The following REEP1 variants were observed in gnomAD, a reference collection of about 807,000 sequenced individuals.
REEP1 encodes receptor accessory protein 1.
A neutral mutation model predicts 40.3 loss-of-function variants in REEP1; 22 were observed. The observed-to-expected ratio is 0.55, with a 90% CI of 0.39 to 0.78. The LOEUF is 0.78. REEP1 is among the 30% of genes least tolerant of loss of function. REEP1 has a pLI of 0.00. For missense variants in REEP1, 280 were observed against 361.1 expected (o/e 0.78, Z 1.82); for synonymous variants, 116 against 139.2 (o/e 0.83, Z 1.17).
chr2:86,227,335 G>T, intron 7 of REEP1, 28 bp downstream of exon 7: 1 of 1,232,226 alleles, frequency 8.1e-7, no homozygotes, highest in Non-Finnish European at 1.0e-6. Context: ...AGTCCAGCAC[G>T]CTGCGGAGAG....
intron 1 of REEP1, among the ~76,000 whole-genome samples, chr2:86,286,042 T>C (rs1042317720): frequency 2.6e-5 from 4 of 151,852 alleles, no homozygotes; most frequent in East Asian, 3.9e-4. Flanking sequence ...CCCCCCACTG[T>C]CATTAACTGT....
chr2:86,268,677 A>G (rs1677274482), intron 2 of REEP1, among the ~76,000 whole-genome samples: 1 of 152,214 alleles, frequency 6.6e-6, no homozygotes, highest in Admixed American at 6.5e-5. Context: ...TTAATATAAT[A>G]CAAAAGAAGA....
intron 3 of REEP1, among the ~76,000 whole-genome samples, chr2:86,259,231 A>C (rs1676729110): frequency 6.7e-6 from 1 of 149,934 alleles, no homozygotes; most frequent in African/African-American, 2.4e-5. Flanking sequence ...CAGAGATTGC[A>C]GTGAGCCAAG....
Position 86,255,629 on chromosome 2 carries a change from T to C in REEP1, c.183-815A>G, listed in dbSNP as rs575065062. 5.3e-5 allele frequency among the ~76,000 whole-genome samples: 8 copies of C among 152,284 alleles called. No homozygotes were observed. The South Asian group carries it at 1.7e-3, about 32-fold the overall frequency. ...AAAGAAGACCTGATTCCTGCCCTCA[T>C]GGAGCTTCTGGTCCACTGGGAACAC... On this transcript the variant is annotated intron_variant, in intron 3 of 8. Transcript: ENST00000538924.
intron 1 of REEP1, among the ~76,000 whole-genome samples, chr2:86,333,189 A>C (rs997871532): frequency 1.6e-4 from 24 of 152,242 alleles, no homozygotes; most frequent in Admixed American, 3.3e-4. Flanking sequence ...CAGGCCCCAA[A>C]GAAAAGCTAG....
chr2:86,292,841 C>G (rs1678796589), intron 1 of REEP1, among the ~76,000 whole-genome samples: 1 of 152,112 alleles, frequency 6.6e-6, no homozygotes. Context: ...CCTCCTCGCT[C>G]TCACACAGCA....
At position 86,217,030 on chromosome 2, in the gene REEP1, T is replaced by C; in HGVS notation, c.*9A>G. ...ATTCTGTGGATCCGGTGCTGTTGGCTCATCTCACTCACGTGGTTTCGGTGG... is the reference window on the plus strand; with the variant it reads ...ATTCTGTGGATCCGGTGCTGTTGGCCCATCTCACTCACGTGGTTTCGGTGG... On this transcript the variant is annotated 3_prime_UTR_variant, in exon 9 of 9. Transcript: ENST00000538924. The C allele has an allele frequency of 6.2e-7, 1 of 1,612,148 alleles. No homozygotes were observed. Among genetic ancestry groups the C allele is most frequent in the Non-Finnish European group, 8.5e-7 (1 of 1,178,216 alleles).
chr2:86,222,089 C>T (rs934247466), intron 7 of REEP1, among the ~76,000 whole-genome samples: 2 of 152,198 alleles, frequency 1.3e-5, no homozygotes, highest in Non-Finnish European at 2.9e-5. Flanking sequence ...CCGTGAGATC[C>T]TCAGGCATCT....
intron 5 of REEP1, among the ~76,000 whole-genome samples, chr2:86,250,164 AC>A (rs1401076140): frequency 6.6e-6 from 1 of 152,214 alleles, no homozygotes; most frequent in African/African-American, 2.4e-5. Context: ...CTTGAGGCAG[AC>A]CCAGAAAAGG....
chr2:86,308,254 C>A (rs1488249836), intron 1 of REEP1, among the ~76,000 whole-genome samples: 1 of 152,104 alleles, frequency 6.6e-6, no homozygotes, highest in Non-Finnish European at 1.5e-5. Flanking sequence ...CATTTGACAG[C>A]ATTACAGAAA....
intron 5 of REEP1, chr2:86,239,801 T>C (rs1274641783): frequency 6.6e-6 from 1 of 152,248 alleles, no homozygotes; most frequent in East Asian, 1.9e-4. Flanking sequence ...ACATGTTAGA[T>C]GCTACCAAAT....
In REEP1 at chr2:86,214,503, C is replaced by A. The variant is rs1426205985; in HGVS notation, c.*2536G>T. ...TTATGACATGAACATTACAGACTTT[C>A]CAGCTAGCATTTTGTAAACAGCCTG... On this transcript the variant is annotated 3_prime_UTR_variant, in exon 9 of 9. Transcript: ENST00000538924. The A allele has an allele frequency of 2.6e-5, 4 of 152,676 alleles. No individual in the cohort carries two copies. The highest frequency in any genetic ancestry group is 9.6e-5 in the African/African-American group (4 of 41,468). The allele number at this position is 152,676 out of a possible 1,614,324, so 9.5% of individuals were successfully genotyped here. A position where few individuals can be genotyped will look rare whatever the true frequency, so the allele number is the denominator to read the frequency against.
intron 1 of REEP1, among the ~76,000 whole-genome samples, chr2:86,312,883 A>G (rs1679824817): frequency 1.3e-5 from 2 of 152,208 alleles, no homozygotes; most frequent in Admixed American, 1.3e-4. Context: ...GAATCAAGGC[A>G]CAGATCCTGT....
intron 1 of REEP1, among the ~76,000 whole-genome samples, chr2:86,288,748 C>T (rs1453766508): frequency 6.6e-6 from 1 of 152,152 alleles, no homozygotes; most frequent in Non-Finnish European, 1.5e-5. Context: ...GATTTTAATA[C>T]TCCCCATTCT....
At chr2:86,261,207 G>T (rs1676835174) in intron 3 of REEP1, among the ~76,000 whole-genome samples, 2 of 152,192 alleles carry the variant, frequency 1.3e-5, no homozygotes, top group Admixed American at 1.3e-4. Flanking sequence ...AGGAGGAAAG[G>T]CTGGATGGCA....
intron 2 of REEP1, among the ~76,000 whole-genome samples, chr2:86,281,183 G>C (rs916006397): frequency 1.3e-5 from 2 of 151,882 alleles, no homozygotes; most frequent in African/African-American, 2.4e-5. Flanking sequence ...AGTCAGCGGT[G>C]GTCTAATGGT....
rs774195680 is a variant in REEP1, at chr2:86,232,578, A to C, written c.595+47T>G. On this transcript the variant is annotated intron_variant, in intron 6 of 8. Transcript: ENST00000538924. ...TGCGGACTGGGCCTCTCTCAATGAA[A>C]GCGAGGCCCAAGGAGTGGGAAAGAG... The C allele has an allele frequency of 3.1e-6, 5 of 1,602,908 alleles. No individual in the cohort carries two copies. The South Asian group carries it at 4.4e-5, about 14-fold the overall frequency.
intron 1 of REEP1, among the ~76,000 whole-genome samples, chr2:86,318,280 T>G (rs2104507094): frequency 6.6e-6 from 1 of 152,286 alleles, no homozygotes; most frequent in African/African-American, 2.4e-5. Context: ...TAATAAGGTT[T>G]CAGATTCCAC....
rs190988424 is a variant in REEP1, at chr2:86,266,543, C to T, written c.106-2502G>A. On this transcript the variant is annotated intron_variant, in intron 2 of 8. Coordinates refer to ENST00000538924, the MANE Select transcript of REEP1 (RefSeq NM_001371279.1). ...CTGAGGCAGGAGAATGGCGTGAACC[C>T]GGGAAGCGGAGCTTGCAGTGAGCCG... Among the ~76,000 whole-genome samples, 447 of 151,180 alleles carry T rather than the reference C, an allele frequency of 3.0e-3. 6 individuals are homozygous for T. The highest frequency in any genetic ancestry group is 0.01 in the African/African-American group (431 of 41,182).
Sources: gnomAD v4.1 joint callset for allele counts (sites outside exome capture counted in the v4.1 genomes callset) on GRCh38, gnomAD v4.1.1 for gene constraint, MANE v1.5 for transcripts, NCBI Gene and HGNC (gene_info 2026-07-23, HGNC 2026-07-21) for gene names.